Variants in KLHL29 observed in about 807,000 individuals in gnomAD.
KLHL29 encodes kelch like family member 29, also known as kelch-like protein 29.
A neutral mutation model predicts 80.4 loss-of-function variants in KLHL29; 21 were observed. That is an observed-to-expected ratio of 0.26 (90% CI 0.19 to 0.38). The LOEUF is 0.38. Among genes scored for constraint, KLHL29 ranks in the 10% least tolerant of loss-of-function variants. The pLI is 1.00. For missense variants in KLHL29, 867 were observed against 1,223.9 expected (o/e 0.71, Z 4.35); for synonymous variants, 511 against 526.8 (o/e 0.97, Z 0.41).
intron 2 of KLHL29, among the ~76,000 whole-genome samples, chr2:23,505,782 C>T (rs1216374242): frequency 2.0e-5 from 3 of 152,196 alleles, no homozygotes; most frequent in Non-Finnish European, 4.4e-5. Flanking sequence ...GGAAGAGAGG[C>T]CAGAGAATGG....
At chr2:23,485,992 T>C (rs955915088) in intron 2 of KLHL29, among the ~76,000 whole-genome samples, 5 of 152,196 alleles carry the variant, frequency 3.3e-5, no homozygotes, top group African/African-American at 1.2e-4. Flanking sequence ...CCCAAATGCA[T>C]CTTCAAGGAA....
At chr2:23,539,809 T>C (rs532079459) in intron 2 of KLHL29, among the ~76,000 whole-genome samples, 16 of 152,300 alleles carry the variant, frequency 1.1e-4, no homozygotes, top group African/African-American at 3.9e-4. Flanking sequence ...AGCCACTTCT[T>C]GGCAGTCTCC....
intron 6 of KLHL29, among the ~76,000 whole-genome samples, chr2:23,685,931 G>T (rs1671238529): frequency 1.3e-5 from 2 of 152,372 alleles, no homozygotes; most frequent in South Asian, 4.1e-4. Flanking sequence ...GGGCAGGTCA[G>T]TGCTGAGCGG....
At chr2:23,413,175 G>A (rs760335043) in intron 1 of KLHL29, among the ~76,000 whole-genome samples, 97 of 152,156 alleles carry the variant, frequency 6.4e-4, no homozygotes, top group Non-Finnish European at 1.2e-3. Context: ...GATACAAGGT[G>A]TTTTCTACTA....
chr2:23,454,930 C>T (rs1436796982), intron 1 of KLHL29, among the ~76,000 whole-genome samples: 1 of 149,820 alleles, frequency 6.7e-6, no homozygotes, highest in East Asian at 2.0e-4. Flanking sequence ...AATTCCGTGG[C>T]GCCTTTCCAT....
chr2:23,627,494 G>A (rs1254347878), intron 3 of KLHL29, among the ~76,000 whole-genome samples: 1 of 152,154 alleles, frequency 6.6e-6, no homozygotes, highest in African/African-American at 2.4e-5. Flanking sequence ...TCAGAATCTA[G>A]GCTACCGTCC....
In KLHL29 at chr2:23,682,410, C is replaced by T. The variant is rs1671112637; in HGVS notation, c.941-1989C>T. On this transcript the variant is annotated intron_variant, in intron 5 of 13. Transcript: ENST00000486442. This position sits in a 1 kb window ranked among gnomAD's most constrained non-coding sequence, Gnocchi z 4.1. ...TTCACCCTCAGGTCTGGCTTCGAGGCTCAACTCTCTGCACGGCGCTATCTT... is the reference window on the plus strand; with the variant it reads ...TTCACCCTCAGGTCTGGCTTCGAGGTTCAACTCTCTGCACGGCGCTATCTT... Among the ~76,000 whole-genome samples the T allele has an allele frequency of 6.6e-6, 1 of 152,182 alleles. No homozygotes were observed. The highest frequency in any genetic ancestry group is 2.4e-5 in the African/African-American group (1 of 41,436).
chr2:23,526,716 C>T (rs1326235113), intron 2 of KLHL29, among the ~76,000 whole-genome samples: 1 of 152,184 alleles, frequency 6.6e-6, no homozygotes, highest in African/African-American at 2.4e-5. Context: ...GTGGGGTGAG[C>T]TGGGGTTGGC....
chr2:23,501,340 C>G (rs969667329), intron 2 of KLHL29, among the ~76,000 whole-genome samples: 2 of 152,018 alleles, frequency 1.3e-5, no homozygotes, highest in Non-Finnish European at 2.9e-5. Flanking sequence ...AATTGAGATG[C>G]CCTGTAGTGT....
At chr2:23,679,435 G>C (rs999524356) in intron 5 of KLHL29, among the ~76,000 whole-genome samples, 2 of 152,186 alleles carry the variant, frequency 1.3e-5, no homozygotes, top group Admixed American at 6.5e-5. Context: ...CCTGGAGAGT[G>C]AGTGAAAGTG....
chr2:23,559,825 G>A (rs867197963), intron 2 of KLHL29, among the ~76,000 whole-genome samples: 7 of 152,058 alleles, frequency 4.6e-5, no homozygotes, highest in Non-Finnish European at 8.8e-5. Flanking sequence ...CCGGGGAGAA[G>A]AGGAGGAGGA....
At chr2:23,663,003 G>A (rs1670455004) in intron 5 of KLHL29, among the ~76,000 whole-genome samples, 1 of 152,086 alleles carries the variant, frequency 6.6e-6, no homozygotes, top group Non-Finnish European at 1.5e-5. Context: ...CCTGTACAAT[G>A]GGGGCAATCT....
Position 23,628,001 on chromosome 2 carries a change from G to A in KLHL29, c.286-11138G>A, listed in dbSNP as rs6713007. Among the ~76,000 whole-genome samples the A allele has an allele frequency of 9.1e-3, 1,305 of 142,768 alleles. 19 individuals are homozygous for A. Among genetic ancestry groups the A allele is most frequent in the African/African-American group, 0.032 (1,227 of 38,110 alleles). 93.7% of individuals were successfully genotyped at this position (142,768 alleles called of 152,430 possible). The stretch of plus-strand genomic sequence containing the variant: ...CGGCTCACCGCAACCTCCGCTTCCC[G>A]GGGAGCTGGGCAGCAGTTCTGCTGC... On this transcript the variant is annotated intron_variant, in intron 3 of 13. Coordinates refer to ENST00000486442, the MANE Select transcript of KLHL29 (RefSeq NM_052920.2).
At chr2:23,672,461 GCC>G (rs1372940800) in intron 5 of KLHL29, 1 of 152,498 alleles carries the variant, frequency 6.6e-6, no homozygotes, top group South Asian at 2.1e-4. Flanking sequence ...AGAGTGACAT[GCC>G]CCCCTCATAT....
At chr2:23,646,854 T>G (rs903573780) in intron 5 of KLHL29, among the ~76,000 whole-genome samples, 13 of 152,192 alleles carry the variant, frequency 8.5e-5, no homozygotes, top group Non-Finnish European at 1.9e-4. Context: ...TCTTTCCTCA[T>G]CTTTAAAGTG....
rs79229256 is a variant in KLHL29, at chr2:23,489,811, G to T, written c.-46+14144G>T. 8.5e-4 allele frequency among the ~76,000 whole-genome samples: 130 copies of T among 152,202 alleles called. 1 individual carries two copies. In the East Asian group the frequency reaches 0.021, roughly 24 times the overall value. On this transcript the variant is annotated intron_variant, in intron 2 of 13. Coordinates refer to ENST00000486442, the MANE Select transcript of KLHL29 (RefSeq NM_052920.2). ...GTGGAGTCTGGTCAGGGAGCTGGGT[G>T]GGGTGGGCGGTACCCACACCAAGGA...
rs1311357733 is a variant in KLHL29 at position 23,682,565 on chromosome 2, A to T, written c.941-1834A>T. 6.6e-6 allele frequency among the ~76,000 whole-genome samples: 1 copy of T among 151,996 alleles called. No homozygotes were observed. Among genetic ancestry groups the T allele is most frequent in the Non-Finnish European group, 1.5e-5 (1 of 67,992 alleles). On this transcript the variant is annotated intron_variant, in intron 5 of 13. Transcript: ENST00000486442. The surrounding 1 kb of genome is among the most constrained non-coding windows in gnomAD (Gnocchi z 4.1). ...CCCTGGTGCCCCAGGATGAAGCTGG[A>T]GCTCCCAGGCAAGACTGTTGCGATC...
intron 1 of KLHL29, among the ~76,000 whole-genome samples, chr2:23,386,171 C>G (rs1317963531): frequency 6.6e-6 from 1 of 151,872 alleles, no homozygotes; most frequent in East Asian, 2.0e-4. Flanking sequence ...CTGAGCGGCC[C>G]AGGGCCCCGG....
At chr2:23,484,147 C>T (rs1664869259) in intron 2 of KLHL29, among the ~76,000 whole-genome samples, 1 of 152,202 alleles carries the variant, frequency 6.6e-6, no homozygotes, top group South Asian at 2.1e-4. Flanking sequence ...TGGAACAGGT[C>T]ACAGAATGAC....
Sources: gnomAD v4.1 joint callset for allele counts (sites outside exome capture counted in the v4.1 genomes callset) on GRCh38, gnomAD v4.1.1 for gene constraint, Gnocchi (gnomAD v3.1) non-coding constraint, MANE v1.5 for transcripts, NCBI Gene and HGNC (gene_info 2026-07-23, HGNC 2026-07-21) for gene names.